Variants in PIEZO2 observed in about 807,000 individuals in gnomAD.
The protein encoded by PIEZO2 is piezo-type mechanosensitive ion channel component 2.
Under a neutral mutation model 337.3 loss-of-function variants are expected in PIEZO2, and 172 were observed. The observed-to-expected ratio is 0.51, with a 90% CI of 0.45 to 0.58. The LOEUF (loss-of-function observed/expected upper bound fraction) is 0.58. Ranked by LOEUF, PIEZO2 falls within the 20% of genes least tolerant of loss-of-function variation. The pLI is 0.00. For synonymous variants in PIEZO2, 1,251 were observed against 1,228.5 expected, an observed-to-expected ratio of 1.02 and a Z score of -0.38; for missense variants, 3,028 against 3,391.3, an observed-to-expected ratio of 0.89 and a Z score of 2.66.
intron 1 of PIEZO2, among the ~76,000 whole-genome samples, chr18:11,115,341 C>T (rs141198281): frequency 6.6e-6 from 1 of 152,184 alleles, no homozygotes; most frequent in Non-Finnish European, 1.5e-5. Flanking sequence ...ACAAAAGAAC[C>T]AAAATCCTTG....
Position 10,833,624 on chromosome 18 carries a change from C to T in PIEZO2, c.917+21729G>A, listed in dbSNP as rs768607632. On this transcript the variant is annotated intron_variant, in intron 7 of 55. Transcript: ENST00000674853. The surrounding 1 kb of genome is among the most constrained non-coding windows in gnomAD (Gnocchi z 4.7). ...CTGTGAGGACCTCACCTCGCAGAGGCTTCCAGAGCCAAGTACAGTTCCAAT... is the reference window on the plus strand; with the variant it reads ...CTGTGAGGACCTCACCTCGCAGAGGTTTCCAGAGCCAAGTACAGTTCCAAT... Among the ~76,000 whole-genome samples, 1 of 152,238 alleles carries T rather than the reference C, an allele frequency of 6.6e-6. No homozygotes were observed. Among genetic ancestry groups the T allele is most frequent in the Admixed American group, 6.5e-5 (1 of 15,288 alleles).
chr18:11,121,292 T>G (rs942175131), intron 1 of PIEZO2, among the ~76,000 whole-genome samples: 3 of 152,094 alleles, frequency 2.0e-5, no homozygotes, highest in South Asian at 2.1e-4. Flanking sequence ...CAGTAGCTCA[T>G]GCCTGTAATC....
chr18:11,073,172 C>T (rs2038408470), intron 1 of PIEZO2, among the ~76,000 whole-genome samples: 1 of 152,176 alleles, frequency 6.6e-6, no homozygotes, highest in African/African-American at 2.4e-5. Flanking sequence ...GTCCAACAAG[C>T]TATGGAGAGG....
Position 10,832,057 on chromosome 18 carries a change from G to T in PIEZO2, c.917+23296C>A, listed in dbSNP as rs569890944. 8.5e-4 allele frequency among the ~76,000 whole-genome samples: 129 copies of T among 152,112 alleles called. 1 individual carries two copies. Among genetic ancestry groups the T allele is most frequent in the Non-Finnish European group, 1.4e-3 (98 of 68,024 alleles). On this transcript the variant is annotated intron_variant, in intron 7 of 55. Coordinates refer to ENST00000674853, the MANE Select transcript of PIEZO2 (RefSeq NM_001378183.1). ...TCACACTTGTAATCCCAGCACTTTGGGAGGCTGAGGTGGGAGGATCACTTG... is the reference window on the plus strand; with the variant it reads ...TCACACTTGTAATCCCAGCACTTTGTGAGGCTGAGGTGGGAGGATCACTTG...
chr18:11,010,401 CT>C (rs1385636076), intron 2 of PIEZO2, among the ~76,000 whole-genome samples: 13 of 152,316 alleles, frequency 8.5e-5, no homozygotes, highest in Middle Eastern at 3.4e-3. Context: ...GTGTAACGCA[CT>C]GTACAAAACC....
At chr18:11,006,066 C>T (rs2035708947) in intron 2 of PIEZO2, among the ~76,000 whole-genome samples, 2 of 152,174 alleles carry the variant, frequency 1.3e-5, no homozygotes, top group South Asian at 4.1e-4. Context: ...CTGTCTCTTT[C>T]CCTTGGCTCA....
intron 5 of PIEZO2, among the ~76,000 whole-genome samples, chr18:10,857,819 G>A (rs1249685967): frequency 6.6e-6 from 1 of 152,198 alleles, no homozygotes; most frequent in Non-Finnish European, 1.5e-5. Context: ...GCTTTAAGCA[G>A]AGATTTAGGG....
intron 7 of PIEZO2, among the ~76,000 whole-genome samples, chr18:10,832,722 G>A (rs188089084): frequency 1.3e-5 from 2 of 152,314 alleles, no homozygotes; most frequent in Admixed American, 1.3e-4. Context: ...GACACACGGT[G>A]GCTCCACCCG....
intron 2 of PIEZO2, among the ~76,000 whole-genome samples, chr18:10,999,476 T>C (rs1389229401): frequency 6.6e-6 from 1 of 152,228 alleles, no homozygotes; most frequent in African/African-American, 2.4e-5. Flanking sequence ...TTCTTGTCCT[T>C]ATTCTCTAAA....
At chr18:11,040,873 C>A (rs2037095881) in intron 2 of PIEZO2, among the ~76,000 whole-genome samples, 1 of 152,086 alleles carries the variant, frequency 6.6e-6, no homozygotes, top group African/African-American at 2.4e-5. Flanking sequence ...TCAAATAACA[C>A]TTAAAATAAA....
In PIEZO2 at chr18:11,143,491, T is replaced by C. The variant is rs977307133; in HGVS notation, c.64+5034A>G. Among the ~76,000 whole-genome samples, 1 of 152,146 alleles carries C rather than the reference T, an allele frequency of 6.6e-6. No homozygotes were observed. Among genetic ancestry groups the C allele is most frequent in the Non-Finnish European group, 1.5e-5 (1 of 68,040 alleles). On this transcript the variant is annotated intron_variant, in intron 1 of 55. Coordinates refer to ENST00000674853, the MANE Select transcript of PIEZO2 (RefSeq NM_001378183.1). This position sits in a 1 kb window ranked among gnomAD's most constrained non-coding sequence, Gnocchi z 4.9. ...GTATTGATCTAGTGAGAACAATATG[T>C]AATTGTTCTAAATATTGTTTTTAAG...
At chr18:10,920,532 A>T (rs2031324115) in intron 3 of PIEZO2, among the ~76,000 whole-genome samples, 2 of 151,946 alleles carry the variant, frequency 1.3e-5, no homozygotes, top group Admixed American at 1.3e-4. Flanking sequence ...TGATGAGAAA[A>T]CTCAGACACA....
chr18:11,005,461 C>T (rs1469338506), intron 2 of PIEZO2, among the ~76,000 whole-genome samples: 5 of 152,228 alleles, frequency 3.3e-5, no homozygotes, highest in Admixed American at 1.3e-4. Context: ...AAAGGACTTA[C>T]TGCCTCTAGT....
At chr18:10,687,463 A>T (rs2034597035) in intron 49 of PIEZO2, among the ~76,000 whole-genome samples, 1 of 149,992 alleles carries the variant, frequency 6.7e-6, no homozygotes. Flanking sequence ...TCTCATGCTT[A>T]GTAGAGTTCT....
chr18:10,728,612 T>A (rs891732422), intron 36 of PIEZO2: 1 of 152,004 alleles, frequency 6.6e-6, no homozygotes, highest in African/African-American at 2.4e-5. Context: ...GAAATGTTCA[T>A]GACATTGGTA....
intron 45 of PIEZO2, among the ~76,000 whole-genome samples, chr18:10,696,933 G>A (rs925046406): frequency 6.6e-6 from 1 of 152,282 alleles, no homozygotes; most frequent in South Asian, 2.1e-4. Context: ...CTGGAGTGAT[G>A]AGAAGACCTG....
intron 24 of PIEZO2, 45 bp downstream of exon 24, chr18:10,760,865 AT>A (rs2038097779): frequency 6.9e-7 from 1 of 1,459,828 alleles, no homozygotes; most frequent in Non-Finnish European, 9.2e-7. Flanking sequence ...AGTTCTTTGA[AT>A]TTTCATGGAA....
At position 10,835,566 on chromosome 18, in the gene PIEZO2, C is replaced by T. The variant is rs1304740654; in HGVS notation, c.917+19787G>A. Among the ~76,000 whole-genome samples, 6 of 141,748 alleles carry T rather than the reference C, an allele frequency of 4.2e-5. No individual in the cohort carries two copies. The South Asian group carries it at 6.8e-4, about 16-fold the overall frequency. The allele number at this position is 141,748 out of a possible 152,430, so 93.0% of individuals were successfully genotyped here. A position where few individuals can be genotyped will look rare whatever the true frequency, so the allele number is the denominator to read the frequency against. ...CAAGTTCTTTTTTTTTTTTTTGAGA[C>T]GGAGTCTCGCTCTGTCACCCAGGCT... is the stretch of plus-strand genomic sequence containing the variant. On this transcript the variant is annotated intron_variant, in intron 7 of 55. Transcript: ENST00000674853.
intron 7 of PIEZO2, among the ~76,000 whole-genome samples, chr18:10,809,013 C>G (rs10502406): frequency 0.024 from 3,620 of 152,214 alleles, 142 homozygotes; most frequent in African/African-American, 0.084. Flanking sequence ...GTTGGTAAAG[C>G]GAACTAAATG....
Sources: gnomAD v4.1 joint callset for allele counts (sites outside exome capture counted in the v4.1 genomes callset) on GRCh38, gnomAD v4.1.1 for gene constraint, Gnocchi (gnomAD v3.1) non-coding constraint, MANE v1.5 for transcripts, NCBI Gene and HGNC (gene_info 2026-07-23, HGNC 2026-07-21) for gene names.